The following NRG3 variants were observed in gnomAD, a reference collection of about 807,000 sequenced individuals.
The protein encoded by NRG3 is neuregulin 3.
A neutral mutation model predicts 66.9 loss-of-function variants in NRG3; 31 were observed. The ratio of observed to expected loss-of-function variants is 0.46; its 90% CI spans 0.35 to 0.63. The LOEUF (loss-of-function observed/expected upper bound fraction) is 0.63. NRG3 is among the 20% of genes least tolerant of loss of function. The pLI, the probability that NRG3 is intolerant of heterozygous loss-of-function variation, is 0.00. For synonymous variants in NRG3, 393 were observed against 359.4 expected, an observed-to-expected ratio of 1.09 and a Z score of -1.06; for missense variants, 910 against 878.9, an observed-to-expected ratio of 1.04 and a Z score of -0.45.
intron 1 of NRG3, among the ~76,000 whole-genome samples, chr10:82,308,695 A>G (rs753030625): frequency 3.3e-5 from 5 of 152,074 alleles, no homozygotes; most frequent in Non-Finnish European, 5.9e-5. Context: ...CAGAAGCTGT[A>G]TTTTATTAGG....
At chr10:81,904,209 C>T (rs960501834) in intron 1 of NRG3, among the ~76,000 whole-genome samples, 3 of 151,728 alleles carry the variant, frequency 2.0e-5, no homozygotes, top group African/African-American at 7.3e-5. Context: ...GGGATTTCAC[C>T]ATGTTGGCTA....
At chr10:82,917,987 T>C (rs1296821737) in intron 4 of NRG3, among the ~76,000 whole-genome samples, 1 of 122,520 alleles carries the variant, frequency 8.2e-6, no homozygotes, top group Non-Finnish European at 1.8e-5. Context: ...TATATATATA[T>C]ATATATGTAT....
intron 1 of NRG3, among the ~76,000 whole-genome samples, chr10:81,900,884 C>T (rs1299178425): frequency 2.6e-5 from 4 of 151,850 alleles, no homozygotes; most frequent in Non-Finnish European, 4.4e-5. Flanking sequence ...GAAAGTAAAA[C>T]ATTTTAAAAG....
At chr10:82,928,144 G>A (rs1371307544) in intron 4 of NRG3, among the ~76,000 whole-genome samples, 1 of 152,028 alleles carries the variant, frequency 6.6e-6, no homozygotes, top group East Asian at 1.9e-4. Context: ...AATGTCTTCT[G>A]TTGAGGAGTG....
At chr10:82,016,587 A>C (rs113087211) in intron 1 of NRG3, among the ~76,000 whole-genome samples, 35 of 152,274 alleles carry the variant, frequency 2.3e-4, no homozygotes, top group African/African-American at 8.4e-4. Context: ...TGCAAAAGTC[A>C]CATGATCAAA....
chr10:82,348,086 A>T (rs1296965126), intron 1 of NRG3, among the ~76,000 whole-genome samples: 1 of 151,062 alleles, frequency 6.6e-6, no homozygotes, highest in Non-Finnish European at 1.5e-5. Context: ...TAATATTGTT[A>T]TGTGTGAATT....
At chr10:82,513,489 C>T (rs1175584524) in intron 2 of NRG3, among the ~76,000 whole-genome samples, 1 of 152,130 alleles carries the variant, frequency 6.6e-6, no homozygotes, top group Non-Finnish European at 1.5e-5. Context: ...ATTCCTGGGT[C>T]AAATGTTATT....
At chr10:82,913,086 C>T (rs928791894) in intron 4 of NRG3, among the ~76,000 whole-genome samples, 2 of 152,046 alleles carry the variant, frequency 1.3e-5, no homozygotes, top group East Asian at 3.9e-4. Flanking sequence ...ATTAGCCGGG[C>T]GTGGTGCAGG....
chr10:82,881,805 T>C (rs1465143943), intron 4 of NRG3, among the ~76,000 whole-genome samples: 1 of 152,226 alleles, frequency 6.6e-6, no homozygotes, highest in East Asian at 1.9e-4. Context: ...ACATATGCAT[T>C]TCTTGACATA....
At chr10:82,255,874 G>A (rs547976627) in intron 1 of NRG3, among the ~76,000 whole-genome samples, 25 of 152,034 alleles carry the variant, frequency 1.6e-4, no homozygotes, top group African/African-American at 6.0e-4. Flanking sequence ...AAACTGCTGG[G>A]ATCACATGCG....
intron 3 of NRG3, among the ~76,000 whole-genome samples, chr10:82,758,480 G>A (rs2059168878): frequency 6.6e-6 from 1 of 152,034 alleles, no homozygotes; most frequent in Admixed American, 6.6e-5. Flanking sequence ...CATTTGATAA[G>A]AAAATGTAAA....
At chr10:82,652,597 G>A (rs2051511289) in intron 2 of NRG3, among the ~76,000 whole-genome samples, 1 of 152,122 alleles carries the variant, frequency 6.6e-6, no homozygotes, top group African/African-American at 2.4e-5. Context: ...CTGAGCCTGG[G>A]GTTTTTATAG....
intron 1 of NRG3, among the ~76,000 whole-genome samples, chr10:82,272,813 G>T (rs1340010720): frequency 6.6e-6 from 1 of 152,008 alleles, no homozygotes; most frequent in Non-Finnish European, 1.5e-5. Flanking sequence ...GACCTGAGAA[G>T]ATATTAACGT....
At chr10:82,763,014 G>T (rs564026124) in intron 3 of NRG3, among the ~76,000 whole-genome samples, 146 of 152,268 alleles carry the variant, frequency 9.6e-4, no homozygotes, top group Non-Finnish European at 1.8e-3. Context: ...TTGCCAAACT[G>T]CCCTTTTCAG....
At chr10:82,772,535 TC>T (rs1052230723) in intron 3 of NRG3, among the ~76,000 whole-genome samples, 4 of 152,034 alleles carry the variant, frequency 2.6e-5, no homozygotes, top group African/African-American at 9.7e-5. Context: ...ATATTTGTCA[TC>T]TTTTTTTTCC....
At chr10:82,530,506 C>T (rs1043882418) in intron 2 of NRG3, among the ~76,000 whole-genome samples, 1 of 151,894 alleles carries the variant, frequency 6.6e-6, no homozygotes, top group Non-Finnish European at 1.5e-5. Context: ...TACATAAATA[C>T]TTGGCAAATC....
intron 2 of NRG3, among the ~76,000 whole-genome samples, chr10:82,371,448 A>G (rs903511906): frequency 3.3e-5 from 5 of 152,134 alleles, no homozygotes; most frequent in African/African-American, 4.8e-5. Context: ...CATTCTGCCA[A>G]TGTTTATTAA....
intron 2 of NRG3, among the ~76,000 whole-genome samples, chr10:82,661,480 A>G (rs1273547923): frequency 2.6e-5 from 4 of 152,142 alleles, no homozygotes; most frequent in Non-Finnish European, 5.9e-5. Flanking sequence ...ACAGAGAGGC[A>G]TATGTTTTAA....
chr10:82,588,692 G>C (rs1019489006), intron 2 of NRG3, among the ~76,000 whole-genome samples: 3 of 151,936 alleles, frequency 2.0e-5, no homozygotes, highest in Non-Finnish European at 4.4e-5. Flanking sequence ...TAGTAGAGAT[G>C]GGGTTTCACT....
Sources: gnomAD v4.1 joint callset for allele counts (sites outside exome capture counted in the v4.1 genomes callset) on GRCh38, gnomAD v4.1.1 for gene constraint, MANE v1.5 for transcripts, NCBI Gene and HGNC (gene_info 2026-07-23, HGNC 2026-07-21) for gene names.